KCNMA1: variants seen among roughly 807,000 people sequenced by gnomAD.
KCNMA1 encodes Calcium-activated potassium channel subunit alpha-1.
KCNMA1 carries 29 observed loss-of-function variants against 140.0 expected under a neutral mutation model. That is an observed-to-expected ratio of 0.21 (90% CI 0.15 to 0.28). KCNMA1 has a LOEUF of 0.28. Ranked by LOEUF, KCNMA1 falls within the 10% of genes least tolerant of loss-of-function variation. The pLI, the probability that KCNMA1 is intolerant of heterozygous loss-of-function variation, is 1.00. For missense variants in KCNMA1, 880 were observed against 1,602.2 expected, an observed-to-expected ratio of 0.55 and a Z score of 7.70; for synonymous variants, 612 against 611.9, an observed-to-expected ratio of 1.00 and a Z score of 0.00.
chr10:76,874,480 T>A (rs1373179770), downstream of KCNMA1: 1 of 152,154 alleles, frequency 6.6e-6, no homozygotes, highest in African/African-American at 2.4e-5. Context: ...ACTCAGAGAG[T>A]TTTAAAAACA....
At chr10:77,283,619 C>T (rs535852335) in intron 2 of KCNMA1, among the ~76,000 whole-genome samples, 11 of 152,302 alleles carry the variant, frequency 7.2e-5, no homozygotes, top group African/African-American at 1.2e-4. Context: ...AGAGTTGGAT[C>T]CTTTGGCATT....
chr10:77,423,736 G>C (rs1047406603), intron 1 of KCNMA1, among the ~76,000 whole-genome samples: 7 of 152,112 alleles, frequency 4.6e-5, no homozygotes, highest in Admixed American at 2.6e-4. Context: ...TGTTTTATAG[G>C]GGGGACAAAG....
chr10:76,876,841 C>T (rs2032478311), downstream of KCNMA1: 1 of 152,192 alleles, frequency 6.6e-6, no homozygotes, highest in Non-Finnish European at 1.5e-5. Context: ...ACCAGACCCT[C>T]CCGAAGTTGA....
chr10:77,045,884 T>C (rs555820142), intron 14 of KCNMA1, among the ~76,000 whole-genome samples: 1 of 152,342 alleles, frequency 6.6e-6, no homozygotes, highest in South Asian at 2.1e-4. Context: ...AGTCCACCTC[T>C]ACCCGTGAAG....
intron 1 of KCNMA1, among the ~76,000 whole-genome samples, chr10:77,429,328 C>T (rs2097098010): frequency 2.0e-5 from 3 of 152,156 alleles, no homozygotes; most frequent in African/African-American, 7.2e-5. Context: ...TTGTGGGAGG[C>T]TGTCCTGTAT....
intron 18 of KCNMA1, among the ~76,000 whole-genome samples, chr10:77,002,659 T>C (rs1375954942): frequency 1.3e-5 from 2 of 152,188 alleles, no homozygotes; most frequent in African/African-American, 4.8e-5. Context: ...CTATAAAAGT[T>C]GTTGGAAGTC....
At chr10:77,381,090 G>C (rs1172626857) in intron 2 of KCNMA1, among the ~76,000 whole-genome samples, 1 of 151,966 alleles carries the variant, frequency 6.6e-6, no homozygotes, top group East Asian at 1.9e-4. Flanking sequence ...TACCAAGATG[G>C]GTCTATGAGA....
chr10:77,148,837 G>A (rs1249678381), intron 5 of KCNMA1, among the ~76,000 whole-genome samples: 1 of 152,130 alleles, frequency 6.6e-6, no homozygotes, highest in African/African-American at 2.4e-5. Context: ...GGCCATAGTT[G>A]GTCAACCTCT....
chr10:77,382,968 G>T (rs1375602452), intron 2 of KCNMA1, among the ~76,000 whole-genome samples: 1 of 70,656 alleles, frequency 1.4e-5, no homozygotes, highest in African/African-American at 7.0e-5. Flanking sequence ...ACGTGTGTGT[G>T]TGTGTGTGTG....
intron 1 of KCNMA1, among the ~76,000 whole-genome samples, chr10:77,609,752 T>TA (rs34258163): frequency 1.1e-3 from 161 of 149,392 alleles, no homozygotes; most frequent in Middle Eastern, 7.0e-3. Flanking sequence ...GTGTTCATTT[T>TA]AAAAAAAAAA....
chr10:77,492,801 G>A (rs2040430898), intron 1 of KCNMA1, among the ~76,000 whole-genome samples: 1 of 152,198 alleles, frequency 6.6e-6, no homozygotes, highest in Non-Finnish European at 1.5e-5. Flanking sequence ...AAGAGTCCTC[G>A]CTTGTATGGG....
At chr10:77,392,265 G>A (rs1191429290) in intron 2 of KCNMA1, among the ~76,000 whole-genome samples, 4 of 133,094 alleles carry the variant, frequency 3.0e-5, no homozygotes, top group Non-Finnish European at 6.4e-5. Context: ...GGGAAGGGAG[G>A]GAAAGGAAGG....
chr10:77,046,068 C>T (rs758532784), intron 14 of KCNMA1, among the ~76,000 whole-genome samples: 2 of 152,084 alleles, frequency 1.3e-5, no homozygotes, highest in Non-Finnish European at 1.5e-5. Context: ...AGAGATGAGT[C>T]GTAACATATA....
chr10:77,284,888 A>C (rs1276995542), intron 2 of KCNMA1, among the ~76,000 whole-genome samples: 1 of 152,154 alleles, frequency 6.6e-6, no homozygotes, highest in Non-Finnish European at 1.5e-5. Context: ...TTGCCATTTA[A>C]AGAACTCTCA....
intron 17 of KCNMA1, chr10:77,012,407 G>C: frequency 6.5e-7 from 1 of 1,543,866 alleles, no homozygotes; most frequent in East Asian, 2.4e-5. Flanking sequence ...TGGTGGGGAA[G>C]TTAAATACAA....
In KCNMA1 at chr10:77,104,539, T is replaced by A. The variant is rs143435628; in HGVS notation, c.1223+3942A>T. Among the ~76,000 whole-genome samples, 4 of 152,288 alleles carry A rather than the reference T, an allele frequency of 2.6e-5. 1 individual carries two copies. Among genetic ancestry groups the A allele is most frequent in the African/African-American group, 9.6e-5 (4 of 41,570 alleles). ...TGGCTACCAGGAATCAGTAGAATAA[T>A]CCAAACCCATCCCATTCTCTCTGTC... On this transcript the variant is annotated intron_variant, in intron 9 of 27. Transcript: ENST00000286628.
chr10:77,053,930 T>C (rs1320533013), intron 14 of KCNMA1, among the ~76,000 whole-genome samples: 1 of 152,182 alleles, frequency 6.6e-6, no homozygotes, highest in Non-Finnish European at 1.5e-5. Context: ...CCCCAGGTCT[T>C]ACAGCAAATC....
chr10:77,234,262 A>T (rs1397081565), intron 3 of KCNMA1, among the ~76,000 whole-genome samples: 3 of 152,212 alleles, frequency 2.0e-5, no homozygotes, highest in Non-Finnish European at 4.4e-5. Flanking sequence ...GAAAGGGGTC[A>T]TAGTCTTCAC....
intron 1 of KCNMA1, among the ~76,000 whole-genome samples, chr10:77,559,252 A>C (rs1250174890): frequency 6.6e-6 from 1 of 152,174 alleles, no homozygotes; most frequent in East Asian, 1.9e-4. Context: ...TCCTTTTTAC[A>C]TGGTGGTAAG....
Sources: gnomAD v4.1 joint callset for allele counts (sites outside exome capture counted in the v4.1 genomes callset) on GRCh38, gnomAD v4.1.1 for gene constraint, MANE v1.5 for transcripts, NCBI Gene and HGNC (gene_info 2026-07-23, HGNC 2026-07-21) for gene names.